Variants in ARHGAP15 observed in about 807,000 individuals in gnomAD.
ARHGAP15 encodes Rho GTPase activating protein 15, also known as rho GTPase-activating protein 15.
A neutral mutation model predicts 63.7 loss-of-function variants in ARHGAP15; 51 were observed. The ratio of observed to expected loss-of-function variants is 0.80; its 90% CI spans 0.64 to 1.01. The LOEUF (loss-of-function observed/expected upper bound fraction) is 1.01. ARHGAP15 is among the 50% of genes least tolerant of loss of function. The probability of loss-of-function intolerance (pLI) is 0.00; values close to 1 mark genes in which losing one functional copy is unlikely to be tolerated. For synonymous variants in ARHGAP15, 191 were observed against 193.8 expected, an observed-to-expected ratio of 0.99 and a Z score of 0.12; for missense variants, 560 against 564.6, an observed-to-expected ratio of 0.99 and a Z score of 0.08.
chr2:143,608,974 T>C (rs1448929218), intron 11 of ARHGAP15, among the ~76,000 whole-genome samples: 1 of 152,216 alleles, frequency 6.6e-6, no homozygotes, highest in Admixed American at 6.5e-5. Context: ...TGTCAATTGC[T>C]TTGTTGTGGG....
chr2:143,385,248 C>A (rs939999181), intron 6 of ARHGAP15, among the ~76,000 whole-genome samples: 11 of 151,974 alleles, frequency 7.2e-5, no homozygotes, highest in African/African-American at 2.2e-4. Context: ...TGATTGAGAA[C>A]GTTGTAGTTC....
intron 6 of ARHGAP15, among the ~76,000 whole-genome samples, chr2:143,427,267 C>T (rs1558964163): frequency 6.6e-6 from 1 of 152,156 alleles, no homozygotes; most frequent in Non-Finnish European, 1.5e-5. Context: ...ACAATACCTA[C>T]TTCTGCTTAA....
rs188560267 is a variant in ARHGAP15 at position 143,426,571 on chromosome 2, A to G, written c.475-9030A>G. On this transcript the variant is annotated intron_variant, in intron 6 of 13. Coordinates refer to ENST00000295095, the MANE Select transcript of ARHGAP15 (RefSeq NM_018460.4). ...CTGCTTTGCTCCTTTCAGCTCTGTC[A>G]TCACATAGAAAGGTCTCTTTGGCAA... 2.7e-4 allele frequency among the ~76,000 whole-genome samples: 41 copies of G among 152,262 alleles called. No individual in the cohort carries two copies. In the East Asian group the frequency reaches 6.2e-3, roughly 23 times the overall value.
At chr2:143,220,170 A>G (rs1287604061) in intron 4 of ARHGAP15, among the ~76,000 whole-genome samples, 2 of 152,030 alleles carry the variant, frequency 1.3e-5, no homozygotes. Context: ...AATTATTTGT[A>G]TTAGAAGTTA....
intron 8 of ARHGAP15, among the ~76,000 whole-genome samples, chr2:143,452,657 A>AT (rs377089210): frequency 0.32 from 43,278 of 136,916 alleles, 7,770 homozygotes; most frequent in African/African-American, 0.49. Context: ...GCCCCTTTGG[A>AT]TTTTTTTTTT....
intron 6 of ARHGAP15, among the ~76,000 whole-genome samples, chr2:143,270,694 A>G (rs1164410033): frequency 6.6e-6 from 1 of 152,202 alleles, no homozygotes; most frequent in Non-Finnish European, 1.5e-5. Flanking sequence ...TATTTTAAAC[A>G]TATAATTTAT....
chr2:143,471,195 C>G (rs186137788), intron 8 of ARHGAP15, among the ~76,000 whole-genome samples: 1 of 140,046 alleles, frequency 7.1e-6, no homozygotes, highest in Non-Finnish European at 1.6e-5. Flanking sequence ...TATATATACA[C>G]ACATATATGT....
At chr2:143,573,648 G>C (rs531692753) in intron 11 of ARHGAP15, among the ~76,000 whole-genome samples, 44 of 152,240 alleles carry the variant, frequency 2.9e-4, no homozygotes, top group African/African-American at 1.0e-3. Context: ...ATCCTTCACA[G>C]TATTGACAGC....
rs533151868 is a variant in ARHGAP15 at position 143,340,271 on chromosome 2, GACCAGTAATAA to G, written c.474+89677_474+89687del. ...GTTGGAAACTTTTCAGGGTGAAAGT[GACCAGTAATAA>G]ACCAGGCAAAGCAAGAGGAAAGAGA... On this transcript the variant is annotated intron_variant, in intron 6 of 13. Coordinates refer to ENST00000295095, the MANE Select transcript of ARHGAP15 (RefSeq NM_018460.4). Among the ~76,000 whole-genome samples the G allele has an allele frequency of 2.8e-3, 423 of 152,242 alleles. 5 individuals are homozygous for G. The highest frequency in any genetic ancestry group is 0.023 in the South Asian group (111 of 4,830).
intron 10 of ARHGAP15, among the ~76,000 whole-genome samples, chr2:143,525,453 T>C (rs916633214): frequency 1.9e-4 from 26 of 139,382 alleles, no homozygotes; most frequent in Admixed American, 6.0e-4. Context: ...GTCAGTGACC[T>C]ATGTTTTTGT....
chr2:143,365,542 C>T (rs1343898), intron 6 of ARHGAP15, among the ~76,000 whole-genome samples: 9,674 of 152,216 alleles, frequency 0.064, 437 homozygotes, highest in Middle Eastern at 0.16. Flanking sequence ...AAATGTGCAC[C>T]ATGATCTAGC....
At chr2:143,454,957 G>GT (rs768815925) in intron 8 of ARHGAP15, among the ~76,000 whole-genome samples, 1 of 152,044 alleles carries the variant, frequency 6.6e-6, no homozygotes, top group Non-Finnish European at 1.5e-5. Context: ...GACTCCAAAT[G>GT]TTATCAATTC....
intron 12 of ARHGAP15, among the ~76,000 whole-genome samples, chr2:143,666,244 G>C (rs1313658852): frequency 2.1e-4 from 31 of 146,558 alleles, no homozygotes; most frequent in Admixed American, 3.4e-4. Flanking sequence ...GAACAGAACA[G>C]AGCCCTCAGA....
chr2:143,640,493 GTAT>G (rs1301720036), intron 12 of ARHGAP15, among the ~76,000 whole-genome samples: 1 of 152,050 alleles, frequency 6.6e-6, no homozygotes, highest in East Asian at 1.9e-4. Flanking sequence ...TGTCGAAGAA[GTAT>G]TATTACTACT....
chr2:143,183,353 CA>C, intron 2 of ARHGAP15, among the ~76,000 whole-genome samples: 1 of 152,254 alleles, frequency 6.6e-6, no homozygotes. Context: ...TAATTAGCAT[CA>C]GCCTAAAGAG....
At chr2:143,350,662 T>TAAAAAAAA (rs34082157) in intron 6 of ARHGAP15, among the ~76,000 whole-genome samples, 1 of 126,546 alleles carries the variant, frequency 7.9e-6, no homozygotes. Context: ...TATTAAAAAT[T>TAAAAAAAA]AAAAAAAAAA....
At chr2:143,664,602 C>A (rs1198257341) in intron 12 of ARHGAP15, among the ~76,000 whole-genome samples, 2 of 151,042 alleles carry the variant, frequency 1.3e-5, no homozygotes, top group Admixed American at 6.6e-5. Context: ...ACACAAAAAA[C>A]CCTTCAAAAA....
intron 13 of ARHGAP15, among the ~76,000 whole-genome samples, chr2:143,759,376 A>G (rs964616979): frequency 6.6e-6 from 1 of 152,166 alleles, no homozygotes; most frequent in East Asian, 1.9e-4. Context: ...TATATTACAT[A>G]TATAAGTCAT....
chr2:143,676,586 G>A (rs147513651), intron 12 of ARHGAP15: 1 of 152,288 alleles, frequency 6.6e-6, no homozygotes, highest in East Asian at 1.9e-4. Flanking sequence ...GGAGGCCTGA[G>A]AAGAGAGAGA....
Sources: allele counts gnomAD v4.1 joint callset (sites outside exome capture counted in the v4.1 genomes callset), GRCh38; gene constraint gnomAD v4.1.1; transcripts MANE v1.5; gene names NCBI Gene and HGNC (gene_info 2026-07-23, HGNC 2026-07-21).